PRKD1: variants seen among roughly 807,000 people sequenced by gnomAD.
The protein encoded by PRKD1 is serine/threonine-protein kinase D1.
Under a neutral mutation model 95.9 loss-of-function variants are expected in PRKD1, and 63 were observed. The ratio of observed to expected loss-of-function variants is 0.66; its 90% confidence interval spans 0.54 to 0.81. PRKD1 has a LOEUF of 0.81. Among genes scored for constraint, PRKD1 ranks in the 30% least tolerant of loss-of-function variants. The pLI is 0.00. For synonymous variants in PRKD1, 425 were observed against 423.1 expected (o/e 1.00, Z -0.05); for missense variants, 1,048 against 1,165.3 (o/e 0.90, Z 1.47).
chr14:29,577,585 T>C (rs1484576871), intron 17 of PRKD1, 129 bp from the exon 18 acceptor site: 4 of 857,944 alleles, frequency 4.7e-6, no homozygotes, highest in Non-Finnish European at 7.4e-6. Flanking sequence ...GAATCTTTCA[T>C]CACGCATCCT....
At chr14:29,641,285 A>G (rs189294353) in intron 4 of PRKD1, among the ~76,000 whole-genome samples, 4 of 152,304 alleles carry the variant, frequency 2.6e-5, no homozygotes, top group African/African-American at 9.6e-5. Context: ...GTGCCCTCAT[A>G]CCATTCATGC....
rs1594384811 is a variant in PRKD1 at position 29,638,333 on chromosome 14, C to A, written c.985+156G>T. ...TTATCAAAACTCCATGGATGCTTTT[C>A]TATTGTAAAGTAGAACAAACACTGG... On this transcript the variant is annotated intron_variant, in intron 6 of 17. Transcript: ENST00000331968. 4 of 690,102 alleles carry A rather than the reference C, an allele frequency of 5.8e-6. No homozygotes were observed. The East Asian group carries it at 1.1e-4, about 19-fold the overall frequency. The allele number at this position is 690,102 out of a possible 1,614,324, so 42.7% of individuals were successfully genotyped here.
chr14:29,603,176 C>A (rs1108732), intron 13 of PRKD1, among the ~76,000 whole-genome samples: 1 of 151,994 alleles, frequency 6.6e-6, no homozygotes, highest in Non-Finnish European at 1.5e-5. Context: ...AGCATATTTA[C>A]ACTTTACAGT....
intron 6 of PRKD1, among the ~76,000 whole-genome samples, chr14:29,637,306 A>G (rs1481390292): frequency 1.3e-5 from 2 of 152,354 alleles, no homozygotes; most frequent in South Asian, 2.1e-4. Context: ...GCTTTTAAAT[A>G]AGACATTTGA....
intron 1 of PRKD1, among the ~76,000 whole-genome samples, chr14:29,837,605 C>T (rs907787949): frequency 4.6e-5 from 7 of 152,078 alleles, no homozygotes; most frequent in African/African-American, 1.4e-4. Context: ...TAATCTATGG[C>T]TTTGTCAAGT....
At chr14:29,733,791 G>C (rs1461961578) in intron 1 of PRKD1, among the ~76,000 whole-genome samples, 2 of 151,972 alleles carry the variant, frequency 1.3e-5, no homozygotes, top group Middle Eastern at 3.2e-3. Flanking sequence ...GATGAGATTT[G>C]GTTGGGGACA....
At chr14:29,879,832 A>G (rs781432863) in intron 1 of PRKD1, among the ~76,000 whole-genome samples, 1 of 152,186 alleles carries the variant, frequency 6.6e-6, no homozygotes, top group African/African-American at 2.4e-5. Flanking sequence ...TGTTTCAGCA[A>G]AGACACTGGC....
At chr14:29,610,203 T>G (rs1878357528) in intron 13 of PRKD1, among the ~76,000 whole-genome samples, 1 of 151,908 alleles carries the variant, frequency 6.6e-6, no homozygotes, top group Admixed American at 6.6e-5. Context: ...AAACAAAACC[T>G]ATCAAGAAAA....
At chr14:29,757,477 C>G (rs572740393) in intron 1 of PRKD1, among the ~76,000 whole-genome samples, 2 of 152,102 alleles carry the variant, frequency 1.3e-5, no homozygotes, top group Non-Finnish European at 2.9e-5. Context: ...TGTGCAAATA[C>G]ATAGCAATCC....
intron 1 of PRKD1, among the ~76,000 whole-genome samples, chr14:29,815,632 T>C (rs183789323): frequency 6.6e-6 from 1 of 152,352 alleles, no homozygotes; most frequent in Non-Finnish European, 1.5e-5. Context: ...TAGTGGAACA[T>C]GTCTCCCAGT....
chr14:29,655,641 T>C lies in PRKD1; in HGVS notation c.696+8058A>G, dbSNP rs190707574. 5.6e-3 allele frequency among the ~76,000 whole-genome samples: 857 copies of C among 152,236 alleles called. 3 individuals are homozygous for C. Among genetic ancestry groups the C allele is most frequent in the Non-Finnish European group, 7.0e-3 (477 of 68,008 alleles). Reference sequence around the variant, plus strand: ...ATGCTCTAATACTTGACCTAAATACTTCTCCTCCACGTTCACATCATTCAT... The same window carrying C: ...ATGCTCTAATACTTGACCTAAATACCTCTCCTCCACGTTCACATCATTCAT... On this transcript the variant is annotated intron_variant, in intron 4 of 17. Coordinates refer to ENST00000331968, the MANE Select transcript of PRKD1 (RefSeq NM_002742.3).
At chr14:29,830,556 A>G (rs1891363126) in intron 1 of PRKD1, among the ~76,000 whole-genome samples, 1 of 152,206 alleles carries the variant, frequency 6.6e-6, no homozygotes, top group South Asian at 2.1e-4. Flanking sequence ...AGCAGACTTA[A>G]GAAAGGGTAT....
intron 1 of PRKD1, among the ~76,000 whole-genome samples, chr14:29,897,598 A>C (rs1894177870): frequency 6.6e-6 from 1 of 152,152 alleles, no homozygotes; most frequent in South Asian, 2.1e-4. Flanking sequence ...GAATGAGAAA[A>C]ATTCCAAACT....
At chr14:29,584,186 T>A in intron 16 of PRKD1, among the ~76,000 whole-genome samples, 1 of 152,168 alleles carries the variant, frequency 6.6e-6, no homozygotes, top group African/African-American at 2.4e-5. Context: ...TTTCTAACAA[T>A]AACAACAAAA....
intron 1 of PRKD1, among the ~76,000 whole-genome samples, chr14:29,802,087 C>T (rs981421815): frequency 6.8e-6 from 1 of 147,878 alleles, no homozygotes; most frequent in Admixed American, 6.8e-5. Flanking sequence ...AAGAAAGGAG[C>T]GAAGGAAGAA....
chr14:29,804,289 G>T (rs1031018042), intron 1 of PRKD1, among the ~76,000 whole-genome samples: 5 of 151,254 alleles, frequency 3.3e-5, no homozygotes, highest in South Asian at 2.1e-4. Context: ...TAACAACATT[G>T]TTATACAAGA....
At chr14:29,643,039 G>T (rs76114134) in intron 4 of PRKD1, among the ~76,000 whole-genome samples, 1 of 151,590 alleles carries the variant, frequency 6.6e-6, no homozygotes, top group Non-Finnish European at 1.5e-5. Context: ...TTAAAATTTC[G>T]TTTTTTATAA....
At chr14:29,920,068 A>AAGGAAGGAAG (rs1566672303) in intron 1 of PRKD1, among the ~76,000 whole-genome samples, 2 of 96,942 alleles carry the variant, frequency 2.1e-5, no homozygotes, top group South Asian at 3.4e-4. Context: ...AAGGAAGGAA[A>AAGGAAGGAAG]GAAGGAAGGA....
intron 1 of PRKD1, among the ~76,000 whole-genome samples, chr14:29,788,214 T>TGACAAAGTA (rs1297894679): frequency 6.6e-6 from 1 of 152,196 alleles, no homozygotes; most frequent in Non-Finnish European, 1.5e-5. Flanking sequence ...GTCATTGTTT[T>TGACAAAGTA]TTCTTTCAAT....
Sources: allele counts gnomAD v4.1 joint callset (sites outside exome capture counted in the v4.1 genomes callset), GRCh38; gene constraint gnomAD v4.1.1; transcripts MANE v1.5; gene names NCBI Gene and HGNC (gene_info 2026-07-23, HGNC 2026-07-21).